BEST3: variants seen among roughly 807,000 people sequenced by gnomAD.
The protein encoded by BEST3 is bestrophin-3.
A neutral mutation model predicts 47.1 loss-of-function variants in BEST3; 50 were observed. The ratio of observed to expected loss-of-function variants is 1.06; its 90% CI spans 0.85 to 1.34. The LOEUF (loss-of-function observed/expected upper bound fraction) is 1.34. Ranked by LOEUF, BEST3 falls within the 40% of genes most tolerant of loss-of-function variation. The pLI, the probability that BEST3 is intolerant of heterozygous loss-of-function variation, is 0.00. For missense variants in BEST3, 765 were observed against 817.0 expected (o/e 0.94, Z 0.78); for synonymous variants, 282 against 298.8 (o/e 0.94, Z 0.58).
intron 4 of BEST3, among the ~76,000 whole-genome samples, chr12:69,691,465 G>A (rs547120589): frequency 7.2e-5 from 11 of 152,092 alleles, no homozygotes; most frequent in South Asian, 4.2e-4. Flanking sequence ...CATTCTTGTC[G>A]TACCCAACTA....
At chr12:69,663,422 C>T (rs1054144798) in intron 9 of BEST3, among the ~76,000 whole-genome samples, 1 of 152,220 alleles carries the variant, frequency 6.6e-6, no homozygotes, top group South Asian at 2.1e-4. Flanking sequence ...TTTGGGTATA[C>T]TTCCTCGCTG....
chr12:69,689,309 G>GCGCTGC (rs1276945810), intron 4 of BEST3: 8 of 975,560 alleles, frequency 8.2e-6, no homozygotes, highest in Non-Finnish European at 9.7e-6. Context: ...CAGTGAGTCA[G>GCGCTGC]CGCTGCCGGT....
At chr12:69,684,937 T>A (rs1885476417) in intron 4 of BEST3, among the ~76,000 whole-genome samples, 1 of 152,174 alleles carries the variant, frequency 6.6e-6, no homozygotes, top group Non-Finnish European at 1.5e-5. Flanking sequence ...TATATGTTGT[T>A]CACAAAACAG....
chr12:69,686,043 T>G (rs1885558454), intron 4 of BEST3, among the ~76,000 whole-genome samples: 1 of 152,118 alleles, frequency 6.6e-6, no homozygotes. Flanking sequence ...GAGGGGTGAC[T>G]TACTCAGCCT....
chr12:69,679,323 C>A (rs1885104098), intron 4 of BEST3, among the ~76,000 whole-genome samples: 1 of 152,220 alleles, frequency 6.6e-6, no homozygotes, highest in Admixed American at 6.5e-5. Context: ...ACTCACATGA[C>A]TTTTCTCCTG....
intron 9 of BEST3, among the ~76,000 whole-genome samples, chr12:69,666,515 G>C (rs1037652018): frequency 1.9e-4 from 29 of 152,148 alleles, no homozygotes; most frequent in African/African-American, 6.7e-4. Flanking sequence ...TGTACCTTTG[G>C]CCTCTTGGCA....
chr12:69,680,449 C>T (rs1592358045), intron 4 of BEST3, among the ~76,000 whole-genome samples: 1 of 151,814 alleles, frequency 6.6e-6, no homozygotes, highest in East Asian at 1.9e-4. Context: ...GCTGGGACTA[C>T]AGGCACCTGC....
At chr12:69,665,666 G>T (rs1197443301) in intron 9 of BEST3, among the ~76,000 whole-genome samples, 4 of 151,816 alleles carry the variant, frequency 2.6e-5, no homozygotes, top group African/African-American at 4.8e-5. Flanking sequence ...CCTTACTGAA[G>T]ACAAAACAAA....
downstream of BEST3, among the ~76,000 whole-genome samples, chr12:69,652,337 GA>G (rs1205592186): frequency 6.6e-6 from 1 of 152,164 alleles, no homozygotes; most frequent in African/African-American, 2.4e-5. Context: ...AGGACTCAGG[GA>G]AAAAGGAGCT....
At chr12:69,653,254 C>A (rs190170219), downstream of BEST3, among the ~76,000 whole-genome samples, 7 of 152,310 alleles carry the variant, frequency 4.6e-5, no homozygotes, top group African/African-American at 1.7e-4. Flanking sequence ...CGCAGGTAGA[C>A]TTGAGCGGGG....
intron 4 of BEST3, chr12:69,689,363 GAA>G: frequency 1.8e-6 from 1 of 560,622 alleles, no homozygotes; most frequent in Non-Finnish European, 2.3e-6. Context: ...ACAGGCCTCC[GAA>G]GCGTCTCTCC....
downstream of BEST3, among the ~76,000 whole-genome samples, chr12:69,652,061 G>T (rs11177771): frequency 0.42 from 64,038 of 152,084 alleles, 15,375 homozygotes; most frequent in Middle Eastern, 0.59. Context: ...TGTTTTGCTG[G>T]GTGCCAGTCA....
At chr12:69,667,788 T>C (rs1173761651) in intron 9 of BEST3, among the ~76,000 whole-genome samples, 1 of 152,184 alleles carries the variant, frequency 6.6e-6, no homozygotes, top group Non-Finnish European at 1.5e-5. Context: ...GGTGTTTTTT[T>C]CTTTTCTTTT....
intron 4 of BEST3, among the ~76,000 whole-genome samples, chr12:69,692,502 CA>C (rs1270498256): frequency 6.6e-6 from 1 of 152,202 alleles, no homozygotes; most frequent in African/African-American, 2.4e-5. Flanking sequence ...TTTTGACTGT[CA>C]CCTCTCAGTG....
In BEST3 at chr12:69,685,969, G is replaced by A. The variant is rs551215481; in HGVS notation, c.482-7076C>T. 1.1e-4 allele frequency among the ~76,000 whole-genome samples: 16 copies of A among 152,262 alleles called. No homozygotes were observed. The South Asian group carries it at 3.1e-3, about 30-fold the overall frequency. ...TCATGTGCAGAGCAACTACACATAGGTGAGTCAAGTTTCACTCACAGGATG... is the reference window on the plus strand; with the variant it reads ...TCATGTGCAGAGCAACTACACATAGATGAGTCAAGTTTCACTCACAGGATG... On this transcript the variant is annotated intron_variant, in intron 4 of 9. Transcript: ENST00000330891.
chr12:69,655,961 G>A, intron 9 of BEST3, 148 bp from the exon 10 acceptor site: 6 of 1,261,434 alleles, frequency 4.8e-6, no homozygotes, highest in Non-Finnish European at 6.3e-6. Flanking sequence ...GTCTAGCAGA[G>A]GCTCACACAC....
At chr12:69,666,265 G>GC (rs1884211007) in intron 9 of BEST3, among the ~76,000 whole-genome samples, 1 of 152,200 alleles carries the variant, frequency 6.6e-6, no homozygotes, top group Admixed American at 6.5e-5. Context: ...TGATCTGCCT[G>GC]CCTTGGCCTC....
chr12:69,676,564 T>G (rs1884934090), intron 7 of BEST3, among the ~76,000 whole-genome samples: 1 of 152,236 alleles, frequency 6.6e-6, no homozygotes, highest in Non-Finnish European at 1.5e-5. Flanking sequence ...AGGCTTCTTG[T>G]TGACTCTTTT....
chr12:69,651,736 C>A (rs997649268), downstream of BEST3, among the ~76,000 whole-genome samples: 1 of 146,738 alleles, frequency 6.8e-6, no homozygotes, highest in Non-Finnish European at 1.5e-5. Context: ...GATTGTGCCA[C>A]TGCACTCCAG....
Sources: allele counts gnomAD v4.1 joint callset (sites outside exome capture counted in the v4.1 genomes callset), GRCh38; gene constraint gnomAD v4.1.1; transcripts MANE v1.5; gene names NCBI Gene and HGNC (gene_info 2026-07-23, HGNC 2026-07-21).